BNC2: variants seen among roughly 807,000 people sequenced by gnomAD.
BNC2 encodes basonuclin zinc finger protein 2, also known as zinc finger protein basonuclin-2.
BNC2 carries 20 observed loss-of-function variants against 76.3 expected under a neutral mutation model. That is an observed-to-expected ratio of 0.26 (90% confidence interval 0.18 to 0.38). The LOEUF (loss-of-function observed/expected upper bound fraction) is 0.38, where lower values mean the gene tolerates loss of function less well. Ranked by LOEUF, BNC2 falls within the 10% of genes least tolerant of loss-of-function variation. The pLI is 1.00. For missense variants in BNC2, 1,382 were observed against 1,399.8 expected, an observed-to-expected ratio of 0.99 and a Z score of 0.20; for synonymous variants, 582 against 514.8, an observed-to-expected ratio of 1.13 and a Z score of -1.77.
At chr9:16,580,199 A>G (rs1819595019) in intron 4 of BNC2, 2 of 398,360 alleles carry the variant, frequency 5.0e-6, no homozygotes, top group Non-Finnish European at 8.8e-6. Context: ...AGGGGCAAAA[A>G]GAGTGGGTGC....
chr9:16,776,504 TCAACTAGCTGTAGG>T, intron 1 of BNC2, among the ~76,000 whole-genome samples: 1 of 152,226 alleles, frequency 6.6e-6, no homozygotes, highest in South Asian at 2.1e-4. Flanking sequence ...AAGGATATAA[TCAACTAGCTGTAGG>T]CAAGAAACAG....
chr9:16,601,496 G>A (rs1251817360), intron 3 of BNC2, among the ~76,000 whole-genome samples: 1 of 152,194 alleles, frequency 6.6e-6, no homozygotes. Flanking sequence ...CATTGCAAGA[G>A]AAGTAAGCAG....
chr9:16,661,025 C>G (rs1464127665), intron 3 of BNC2, among the ~76,000 whole-genome samples: 3 of 152,076 alleles, frequency 2.0e-5, no homozygotes, highest in Non-Finnish European at 4.4e-5. Context: ...TAACTTAATC[C>G]TAAATATTCT....
chr9:16,595,234 T>C (rs1285516218), intron 3 of BNC2, among the ~76,000 whole-genome samples: 1 of 152,146 alleles, frequency 6.6e-6, no homozygotes, highest in Non-Finnish European at 1.5e-5. Flanking sequence ...AACAAACATT[T>C]TAATACCTTC....
At chr9:16,718,830 GAATTAAGT>G (rs1221179138) in intron 3 of BNC2, among the ~76,000 whole-genome samples, 3 of 152,098 alleles carry the variant, frequency 2.0e-5, no homozygotes, top group African/African-American at 7.2e-5. Context: ...AACATACATA[GAATTAAGT>G]CACCTAATTG....
chr9:16,828,990 G>T (rs1050993969), intron 1 of BNC2, among the ~76,000 whole-genome samples: 8 of 152,150 alleles, frequency 5.3e-5, no homozygotes, highest in African/African-American at 4.8e-5. Flanking sequence ...GTGTGAGCAG[G>T]GGGGCGGCGG....
intron 5 of BNC2, among the ~76,000 whole-genome samples, chr9:16,551,484 A>T (rs1233525658): frequency 2.6e-5 from 4 of 152,222 alleles, no homozygotes; most frequent in Non-Finnish European, 5.9e-5. Context: ...CTCAGGGAAT[A>T]AACAGTGGAG....
At chr9:16,863,273 C>G (rs1480097735) in intron 1 of BNC2, among the ~76,000 whole-genome samples, 2 of 152,158 alleles carry the variant, frequency 1.3e-5, no homozygotes, top group Non-Finnish European at 2.9e-5. Context: ...GGGCATAGCC[C>G]TAGGATAGGA....
intron 5 of BNC2, among the ~76,000 whole-genome samples, chr9:16,494,714 G>A (rs1822350110): frequency 2.0e-5 from 3 of 152,146 alleles, no homozygotes; most frequent in Non-Finnish European, 2.9e-5. Flanking sequence ...CGTCATGTAG[G>A]CCTGGCACGT....
rs1825061802 is a variant in BNC2, at chr9:16,748,027, C to G, written c.4-9542G>C. On this transcript the variant is annotated intron_variant, in intron 1 of 6. Transcript: ENST00000380672. Reference sequence around the variant, plus strand: ...TCATTAAGAAGAATGGAAAAAAAAACTGTAAATACAGATAAACAACATCTC... The same window carrying G: ...TCATTAAGAAGAATGGAAAAAAAAAGTGTAAATACAGATAAACAACATCTC... Among the ~76,000 whole-genome samples, 3 of 149,624 alleles carry G rather than the reference C, an allele frequency of 2.0e-5. No individual in the cohort carries two copies. The Admixed American group carries it at 2.0e-4, about 10-fold the overall frequency.
chr9:16,621,084 T>C (rs1008990951), intron 3 of BNC2, among the ~76,000 whole-genome samples: 3 of 152,200 alleles, frequency 2.0e-5, no homozygotes, highest in Non-Finnish European at 4.4e-5. Flanking sequence ...AGGCCGTAAG[T>C]AATGTTCAAA....
intron 5 of BNC2, among the ~76,000 whole-genome samples, chr9:16,468,900 A>G (rs921645233): frequency 2.0e-5 from 3 of 152,192 alleles, no homozygotes; most frequent in Non-Finnish European, 4.4e-5. Context: ...CAAATATCAC[A>G]TAGCATTGCA....
At chr9:16,813,554 C>T (rs1043328928) in intron 1 of BNC2, among the ~76,000 whole-genome samples, 5 of 152,036 alleles carry the variant, frequency 3.3e-5, no homozygotes, top group South Asian at 4.2e-4. Context: ...CGTGAGCCAC[C>T]GCGCCCAGCC....
rs113903760 is a variant in BNC2, at chr9:16,584,194, T to C, written c.331-1109A>G. Among the ~76,000 whole-genome samples, 223 of 151,892 alleles carry C rather than the reference T, an allele frequency of 1.5e-3. 2 individuals carry two copies. Among genetic ancestry groups the C allele is most frequent in the African/African-American group, 5.1e-3 (211 of 41,428 alleles). ...CAATCAATGATTACTGATTCTGGGG[T>C]GGAGGGGTGGGCATGGGGATACCTG... On this transcript the variant is annotated intron_variant, in intron 3 of 6. Coordinates refer to ENST00000380672, the MANE Select transcript of BNC2 (RefSeq NM_017637.6).
intron 1 of BNC2, among the ~76,000 whole-genome samples, chr9:16,765,255 T>G (rs1825659949): frequency 6.6e-6 from 1 of 152,184 alleles, no homozygotes; most frequent in African/African-American, 2.4e-5. Flanking sequence ...GGGGTCACAA[T>G]GTAATTTTAT....
At chr9:16,627,911 A>T (rs1326504086) in intron 3 of BNC2, among the ~76,000 whole-genome samples, 1 of 152,222 alleles carries the variant, frequency 6.6e-6, no homozygotes, top group African/African-American at 2.4e-5. Context: ...TTATGACTGA[A>T]TGACCTCAAC....
intron 1 of BNC2, among the ~76,000 whole-genome samples, chr9:16,864,201 G>A (rs990267450): frequency 3.3e-5 from 5 of 152,096 alleles, no homozygotes; most frequent in African/African-American, 1.2e-4. Flanking sequence ...GAGGAAAAGA[G>A]CAAAGGAAAA....
intron 5 of BNC2, among the ~76,000 whole-genome samples, chr9:16,493,567 T>C (rs986660112): frequency 2.0e-5 from 3 of 152,126 alleles, no homozygotes; most frequent in Non-Finnish European, 4.4e-5. Context: ...CCCTCCTTTC[T>C]CCAGTTAATA....
intron 5 of BNC2, among the ~76,000 whole-genome samples, chr9:16,463,532 G>A (rs1006001372): frequency 7.7e-5 from 11 of 142,984 alleles, no homozygotes; most frequent in South Asian, 2.1e-4. Context: ...TCCTGACCTC[G>A]TGATCCGCCC....
Sources: allele counts gnomAD v4.1 joint callset (sites outside exome capture counted in the v4.1 genomes callset), GRCh38; gene constraint gnomAD v4.1.1; transcripts MANE v1.5; gene names NCBI Gene and HGNC (gene_info 2026-07-23, HGNC 2026-07-21).